The following MARCHF8 variants were observed in gnomAD, a reference collection of about 807,000 sequenced individuals.
The protein encoded by MARCHF8 is E3 ubiquitin-protein ligase MARCHF8.
Under a neutral mutation model 51.6 loss-of-function variants are expected in MARCHF8, and 40 were observed. That is an observed-to-expected ratio of 0.77 (90% CI 0.60 to 1.01). The LOEUF is 1.01. MARCHF8 is among the 50% of genes least tolerant of loss of function. The pLI is 0.00. For synonymous variants in MARCHF8, 263 were observed against 280.3 expected (o/e 0.94, Z 0.62); for missense variants, 685 against 708.6 (o/e 0.97, Z 0.38).
intron 3 of MARCHF8, among the ~76,000 whole-genome samples, chr10:45,474,347 G>A (rs1300885344): frequency 6.6e-6 from 1 of 151,830 alleles, no homozygotes; most frequent in African/African-American, 2.4e-5. Flanking sequence ...ACTGTGCATC[G>A]CCCCTGCCAG....
intron 1 of MARCHF8, among the ~76,000 whole-genome samples, chr10:45,549,878 A>G (rs2044174541): frequency 6.6e-6 from 1 of 152,134 alleles, no homozygotes; most frequent in Non-Finnish European, 1.5e-5. Flanking sequence ...ACCAGATGTG[A>G]GCCCCTCAAC....
At chr10:45,526,161 T>C (rs1295828916) in intron 2 of MARCHF8, among the ~76,000 whole-genome samples, 3 of 152,138 alleles carry the variant, frequency 2.0e-5, no homozygotes, top group African/African-American at 7.2e-5. Flanking sequence ...GCCTCTTCCA[T>C]GGAAAGCTCC....
chr10:45,504,902 G>C (rs1472315788), intron 2 of MARCHF8, among the ~76,000 whole-genome samples: 5 of 152,260 alleles, frequency 3.3e-5, no homozygotes, highest in Middle Eastern at 3.4e-3. Context: ...CTTATACTGA[G>C]TGGCCAGAGA....
intron 3 of MARCHF8, among the ~76,000 whole-genome samples, chr10:45,486,153 A>C (rs537675528): frequency 6.6e-6 from 1 of 152,324 alleles, no homozygotes; most frequent in South Asian, 2.1e-4. Context: ...AAGTTCTGTG[A>C]GTAATCAAAT....
Position 45,457,900 on chromosome 10 carries a change from G to T in MARCHF8, c.*339C>A. The stretch of plus-strand genomic sequence containing the variant: ...AAGCTGGAGGCGGCTGGGTATCAGG[G>T]CCTGGGCACCCCTGCTCCTCCTCTT... On this transcript the variant is annotated 3_prime_UTR_variant, in exon 8 of 8. Transcript: ENST00000453424. The T allele has an allele frequency of 3.8e-6, 1 of 260,146 alleles. No individual in the cohort carries two copies. Among genetic ancestry groups the T allele is most frequent in the Admixed American group, 5.3e-5 (1 of 18,938 alleles). 16.1% of individuals were successfully genotyped at this position (260,146 alleles called of 1,614,324 possible). A position where few individuals can be genotyped will look rare whatever the true frequency, so the allele number is the denominator to read the frequency against.
intron 1 of MARCHF8, among the ~76,000 whole-genome samples, chr10:45,578,742 C>A (rs528092573): frequency 9.9e-5 from 15 of 152,172 alleles, no homozygotes; most frequent in Admixed American, 3.3e-4. Flanking sequence ...TCCTAATATG[C>A]TGCACTGAGA....
intron 2 of MARCHF8, among the ~76,000 whole-genome samples, chr10:45,521,997 A>ATTTATGTTT (rs1452657839): frequency 6.6e-6 from 1 of 152,156 alleles, no homozygotes; most frequent in African/African-American, 2.4e-5. Context: ...CCTTACAGGT[A>ATTTATGTTT]TTTATGTTTT....
chr10:45,566,807 G>A (rs2044370475), intron 1 of MARCHF8, among the ~76,000 whole-genome samples: 1 of 152,066 alleles, frequency 6.6e-6, no homozygotes, highest in Non-Finnish European at 1.5e-5. Flanking sequence ...ACCTAGCAGT[G>A]GGATTGCCAG....
At chr10:45,552,545 T>TA (rs140693288) in intron 1 of MARCHF8, among the ~76,000 whole-genome samples, 3,761 of 152,318 alleles carry the variant, frequency 0.025, 159 homozygotes, top group African/African-American at 0.085. Context: ...TAGTTTATTT[T>TA]AAATCCCTTT....
intron 1 of MARCHF8, among the ~76,000 whole-genome samples, chr10:45,559,648 T>C (rs887285937): frequency 1.6e-4 from 25 of 152,236 alleles, no homozygotes; most frequent in African/African-American, 5.5e-4. Flanking sequence ...TAAATAAACA[T>C]GAACATTAAA....
At chr10:45,472,500 T>C (rs553332307) in intron 3 of MARCHF8, among the ~76,000 whole-genome samples, 2 of 152,316 alleles carry the variant, frequency 1.3e-5, no homozygotes, top group Admixed American at 1.3e-4. Context: ...AAAGCTTTTG[T>C]TTACACGGGT....
At chr10:45,475,567 T>C (rs2042772865) in intron 3 of MARCHF8, among the ~76,000 whole-genome samples, 1 of 152,070 alleles carries the variant, frequency 6.6e-6, no homozygotes, top group Admixed American at 6.5e-5. Context: ...AGCACTCAAT[T>C]GCGTACACAT....
At chr10:45,561,040 T>C (rs947367218) in intron 1 of MARCHF8, among the ~76,000 whole-genome samples, 1 of 152,134 alleles carries the variant, frequency 6.6e-6, no homozygotes, top group African/African-American at 2.4e-5. Flanking sequence ...GTCATCTCTA[T>C]ACACAGGAAA....
intron 1 of MARCHF8, among the ~76,000 whole-genome samples, chr10:45,545,838 T>A (rs959697537): frequency 3.9e-5 from 6 of 152,174 alleles, no homozygotes; most frequent in Non-Finnish European, 1.5e-5. Flanking sequence ...AGGCTCCCCC[T>A]GCCACATCAC....
intron 1 of MARCHF8, among the ~76,000 whole-genome samples, chr10:45,560,661 T>A (rs1309568326): frequency 1.3e-5 from 2 of 152,326 alleles, no homozygotes; most frequent in Middle Eastern, 6.8e-3. Flanking sequence ...GATACCTGCA[T>A]GTGAGTGCAT....
At chr10:45,498,811 T>C (rs2043224206) in intron 2 of MARCHF8, among the ~76,000 whole-genome samples, 3 of 152,232 alleles carry the variant, frequency 2.0e-5, no homozygotes, top group Admixed American at 2.0e-4. Context: ...TGTGAAACTA[T>C]ATGCAATAAA....
chr10:45,594,364 C>A lies in MARCHF8; in HGVS notation c.-208G>T, dbSNP rs570021154. 3 of 152,400 alleles carry A rather than the reference C, an allele frequency of 2.0e-5. No individual in the cohort carries two copies. In the South Asian group the frequency reaches 6.2e-4, roughly 32 times the overall value. The allele number at this position is 152,400 out of a possible 1,614,324, so 9.4% of individuals were successfully genotyped here. A position where few individuals can be genotyped will look rare whatever the true frequency, so the allele number is the denominator to read the frequency against. ...ATGTGCACACTCAGGCCAAAGACGA[C>A]GGCTGACGGGCCAACGTCTCACAGC... On this transcript the variant is annotated 5_prime_UTR_variant, in exon 1 of 7. Transcript: ENST00000319836.
At chr10:45,459,863 T>G in intron 6 of MARCHF8, 1 of 985,470 alleles carries the variant, frequency 1.0e-6, no homozygotes, top group Non-Finnish European at 1.2e-6. Flanking sequence ...ATAGCCAGAC[T>G]TTCTTTTTCA....
At chr10:45,513,464 G>A (rs2043568118) in intron 2 of MARCHF8, among the ~76,000 whole-genome samples, 1 of 152,112 alleles carries the variant, frequency 6.6e-6, no homozygotes, top group Non-Finnish European at 1.5e-5. Flanking sequence ...AAACAGTGTA[G>A]AAAGAGATTG....
Sources: allele counts gnomAD v4.1 joint callset (sites outside exome capture counted in the v4.1 genomes callset), GRCh38; gene constraint gnomAD v4.1.1; transcripts MANE v1.5; gene names NCBI Gene and HGNC (gene_info 2026-07-23, HGNC 2026-07-21).